NRG1: variants seen among roughly 807,000 people sequenced by gnomAD.
NRG1 encodes the protein neuregulin 1.
NRG1 carries 18 observed loss-of-function variants against 63.8 expected under a neutral mutation model. That is an observed-to-expected ratio of 0.28 (90% CI 0.19 to 0.42). NRG1 has a LOEUF of 0.42. Among genes scored for constraint, NRG1 ranks in the 10% least tolerant of loss-of-function variants. NRG1 has a pLI of 1.00. For missense variants in NRG1, 762 were observed against 814.7 expected, an observed-to-expected ratio of 0.94 and a Z score of 0.79; for synonymous variants, 302 against 301.3, an observed-to-expected ratio of 1.00 and a Z score of -0.02.
intron 1 of NRG1, among the ~76,000 whole-genome samples, chr8:32,116,254 AGCACTTG>A (rs1382842187): frequency 6.6e-6 from 1 of 152,030 alleles, no homozygotes; most frequent in Non-Finnish European, 1.5e-5. Flanking sequence ...TTTGTCTTTC[AGCACTTG>A]GGGAGAAACT....
intron 1 of NRG1, among the ~76,000 whole-genome samples, chr8:31,971,983 C>T (rs957099210): frequency 6.6e-6 from 1 of 152,110 alleles, no homozygotes; most frequent in African/African-American, 2.4e-5. Flanking sequence ...CATTTGGAAC[C>T]TGGGTTTCCT....
chr8:32,561,813 A>T (rs553356888), intron 1 of NRG1, among the ~76,000 whole-genome samples: 30 of 126,758 alleles, frequency 2.4e-4, no homozygotes, highest in African/African-American at 8.2e-4. Context: ...TTCAGTTTGC[A>T]TTAGGGGATT....
intron 5 of NRG1, among the ~76,000 whole-genome samples, chr8:32,670,857 T>A (rs1224704835): frequency 6.6e-6 from 1 of 152,014 alleles, no homozygotes; most frequent in African/African-American, 2.4e-5. Flanking sequence ...CTCAATTGAG[T>A]CAGTTTACAT....
chr8:31,802,005 T>A (rs1821838097), intron 1 of NRG1, among the ~76,000 whole-genome samples: 1 of 152,218 alleles, frequency 6.6e-6, no homozygotes, highest in South Asian at 2.1e-4. Context: ...TCTGTAACAC[T>A]AACTTCCAGG....
At chr8:32,051,519 G>A (rs115945114) in intron 1 of NRG1, among the ~76,000 whole-genome samples, 1,699 of 152,284 alleles carry the variant, frequency 0.011, 25 homozygotes, top group African/African-American at 0.036. Flanking sequence ...GAGCTCAAAG[G>A]AGGGACATCT....
At chr8:32,529,665 A>AACAC (rs941587780) in intron 1 of NRG1, among the ~76,000 whole-genome samples, 1 of 151,936 alleles carries the variant, frequency 6.6e-6, no homozygotes, top group East Asian at 1.9e-4. Flanking sequence ...GCACACATTA[A>AACAC]ACACACACAC....
chr8:32,296,930 C>T (rs926216890), intron 1 of NRG1, among the ~76,000 whole-genome samples: 9 of 152,170 alleles, frequency 5.9e-5, no homozygotes, highest in African/African-American at 1.9e-4. Flanking sequence ...TCCTGGCCAA[C>T]ATGATGAAAC....
chr8:31,648,424 G>T (rs940974338), intron 1 of NRG1, among the ~76,000 whole-genome samples: 1 of 152,026 alleles, frequency 6.6e-6, no homozygotes, highest in Non-Finnish European at 1.5e-5. Context: ...GAGCCACCGC[G>T]CCCGGCCCTA....
intron 1 of NRG1, among the ~76,000 whole-genome samples, chr8:32,065,379 G>A (rs1824600775): frequency 6.6e-6 from 1 of 152,070 alleles, no homozygotes; most frequent in African/African-American, 2.4e-5. Flanking sequence ...ACAGGCCCCA[G>A]TGTGTGATGT....
intron 1 of NRG1, among the ~76,000 whole-genome samples, chr8:32,536,922 CAAAAAAAA>C (rs35265022): frequency 4.5e-4 from 16 of 35,914 alleles, no homozygotes; most frequent in South Asian, 2.0e-3. Flanking sequence ...GACTCCGTCT[CAAAAAAAA>C]AAAAAAAAAA....
chr8:32,258,296 C>T (rs1405185641), intron 1 of NRG1, among the ~76,000 whole-genome samples: 1 of 152,150 alleles, frequency 6.6e-6, no homozygotes, highest in Admixed American at 6.6e-5. Flanking sequence ...ATTTGACCTT[C>T]CCACAGTGAA....
intron 1 of NRG1, among the ~76,000 whole-genome samples, chr8:32,500,408 G>T (rs990927660): frequency 6.6e-6 from 1 of 152,178 alleles, no homozygotes; most frequent in Non-Finnish European, 1.5e-5. Context: ...GGCTAGGAAC[G>T]CTATAAACCA....
intron 1 of NRG1, among the ~76,000 whole-genome samples, chr8:32,158,942 C>T (rs1463117927): frequency 6.6e-6 from 1 of 152,100 alleles, no homozygotes; most frequent in Non-Finnish European, 1.5e-5. Flanking sequence ...CACACAGGCT[C>T]CTCCCACCAG....
rs1587009676 is a variant in NRG1, at chr8:32,087,614, G to A, written c.37+448183G>A. Among the ~76,000 whole-genome samples the A allele has an allele frequency of 2.7e-5, 4 of 150,640 alleles. No individual in the cohort carries two copies. The South Asian group carries it at 8.4e-4, about 32-fold the overall frequency. ...GCCTCCTGAGTAGCTGGGACTACAG[G>A]TGCGTGTGCCCACGCCCAGCTAATT... On this transcript the variant is annotated intron_variant, in intron 1 of 10. Coordinates refer to the NRG1 transcript ENST00000519301.
chr8:31,867,438 A>T (rs933733463), intron 1 of NRG1, among the ~76,000 whole-genome samples: 4 of 152,144 alleles, frequency 2.6e-5, no homozygotes, highest in African/African-American at 9.7e-5. Context: ...TCCTTTTGAA[A>T]TTCTTTGTTA....
At chr8:31,685,198 C>T (rs1585652942) in intron 1 of NRG1, among the ~76,000 whole-genome samples, 1 of 152,132 alleles carries the variant, frequency 6.6e-6, no homozygotes, top group Non-Finnish European at 1.5e-5. Context: ...ATCTGAGATT[C>T]ATATTTAACC....
chr8:32,436,488 A>C (rs1204820492), intron 1 of NRG1, among the ~76,000 whole-genome samples: 2 of 152,332 alleles, frequency 1.3e-5, no homozygotes, highest in East Asian at 3.9e-4. Flanking sequence ...ATAGTTATCC[A>C]GTAACCTTTT....
At chr8:31,956,635 G>T (rs1804480052) in intron 1 of NRG1, among the ~76,000 whole-genome samples, 2 of 152,008 alleles carry the variant, frequency 1.3e-5, no homozygotes, top group Non-Finnish European at 2.9e-5. Context: ...AAAAAAAAAA[G>T]TATTCTGTGA....
chr8:32,691,431 T>G (rs1811622601), intron 5 of NRG1, among the ~76,000 whole-genome samples: 1 of 152,174 alleles, frequency 6.6e-6, no homozygotes, highest in African/African-American at 2.4e-5. Context: ...AGTGCTCCAT[T>G]TCCCCTATTG....
Sources: gnomAD v4.1 joint callset for allele counts (sites outside exome capture counted in the v4.1 genomes callset) on GRCh38, gnomAD v4.1.1 for gene constraint, MANE v1.5 for transcripts, NCBI Gene and HGNC (gene_info 2026-07-23, HGNC 2026-07-21) for gene names.